Variants in MSH4 observed in about 807,000 individuals in gnomAD.
The protein encoded by MSH4 is mutS homolog 4.
Under a neutral mutation model 113.7 loss-of-function variants are expected in MSH4, and 106 were observed. The observed-to-expected ratio is 0.93, with a 90% CI of 0.80 to 1.10. MSH4 has a LOEUF of 1.10. MSH4 is among the 50% of genes least tolerant of loss of function. The pLI is 0.00. For synonymous variants in MSH4, 368 were observed against 380.2 expected (o/e 0.97, Z 0.37); for missense variants, 1,061 against 1,093.7 (o/e 0.97, Z 0.42).
At chr1:75,838,101 C>T (rs1650871309) in intron 7 of MSH4, among the ~76,000 whole-genome samples, 2 of 152,198 alleles carry the variant, frequency 1.3e-5, no homozygotes, top group African/African-American at 4.8e-5. Flanking sequence ...AATGTATTAT[C>T]TCACAGTTCT....
At chr1:75,826,561 G>A (rs755746987) in intron 7 of MSH4, among the ~76,000 whole-genome samples, 8 of 151,946 alleles carry the variant, frequency 5.3e-5, no homozygotes, top group Admixed American at 6.6e-5. Context: ...TTAGGGTGTC[G>A]ATTTGAGATC....
At chr1:75,894,325 G>A (rs1260735114) in intron 17 of MSH4, among the ~76,000 whole-genome samples, 1 of 152,140 alleles carries the variant, frequency 6.6e-6, no homozygotes, top group African/African-American at 2.4e-5. Flanking sequence ...ATAGACCTAT[G>A]GCTTTGGATA....
At chr1:75,825,038 T>C (rs900626248) in intron 7 of MSH4, among the ~76,000 whole-genome samples, 2 of 152,114 alleles carry the variant, frequency 1.3e-5, no homozygotes, top group South Asian at 4.2e-4. Flanking sequence ...ACATTGAATC[T>C]ATAAATTACT....
chr1:75,899,185 G>A (rs1652454460), intron 18 of MSH4, among the ~76,000 whole-genome samples: 1 of 152,144 alleles, frequency 6.6e-6, no homozygotes, highest in African/African-American at 2.4e-5. Flanking sequence ...TACATCTTCT[G>A]AGAAATTCCT....
rs2100563812 is a variant in MSH4 at position 75,870,407 on chromosome 1, G to A, written c.1305+2819G>A. 1.3e-5 allele frequency among the ~76,000 whole-genome samples: 2 copies of A among 152,324 alleles called. 1 individual carries two copies. Among genetic ancestry groups the A allele is most frequent in the Admixed American group, 1.3e-4 (2 of 15,296 alleles). The stretch of plus-strand genomic sequence containing the variant: ...GAAGGAATGATTGGTTTTGAAATGT[G>A]AAGACATGAGATTTGGCAGGGGCTA... On this transcript the variant is annotated intron_variant, in intron 9 of 19. Transcript: ENST00000263187.
intron 6 of MSH4, 31 bp downstream of exon 6, chr1:75,816,577 A>G: frequency 4.9e-6 from 6 of 1,219,604 alleles, no homozygotes; most frequent in Non-Finnish European, 6.7e-6. Flanking sequence ...TGTATAAAAT[A>G]TATCGGTATA....
intron 7 of MSH4, among the ~76,000 whole-genome samples, chr1:75,839,245 C>T (rs12045363): frequency 0.25 from 38,242 of 151,590 alleles, 6,213 homozygotes; most frequent in East Asian, 0.68. Context: ...GACAGAGTTT[C>T]ACTCTGTCAC....
At chr1:75,842,432 G>A (rs994723004) in intron 7 of MSH4, among the ~76,000 whole-genome samples, 3 of 152,012 alleles carry the variant, frequency 2.0e-5, no homozygotes, top group Non-Finnish European at 4.4e-5. Flanking sequence ...ACCGAGGACA[G>A]GAGCTGTTCC....
At chr1:75,804,007 C>T in intron 2 of MSH4, 94 bp downstream of exon 2, 1 of 827,050 alleles carries the variant, frequency 1.2e-6, no homozygotes. Context: ...TTGAATTTAT[C>T]TATAACTGAT....
intron 17 of MSH4, among the ~76,000 whole-genome samples, chr1:75,892,667 T>A (rs5745513): frequency 0.055 from 8,383 of 152,252 alleles, 332 homozygotes; most frequent in Non-Finnish European, 0.083. Context: ...AAGCAAAGGA[T>A]GAACTCAAGG....
Position 75,822,566 on chromosome 1 carries a change from T to A in MSH4, c.1147T>A (p.Phe383Ile), listed in dbSNP as rs781590842. The change falls in exon 7 of 20, where the codon TTT becomes ATT. Residue 383 changes from phenylalanine (F) to isoleucine (I), a missense_variant. By Grantham distance (21) the Phe-to-Ile change is conservative. Transcript: ENST00000263187. ...ACTACTTCAAGATGAGGAACTATTT[T>A]TTGGACTTCAATCAGGTAAATCAAT... Reference protein sequence around the residue: ...QELLQDEELFFGLQSVISRFL... With the variant: ...QELLQDEELFIGLQSVISRFL... The A allele has an allele frequency of 6.6e-7, 1 of 1,516,786 alleles. No individual in the cohort carries two copies. Among genetic ancestry groups the A allele is most frequent in the Non-Finnish European group, 8.8e-7 (1 of 1,137,662 alleles). 94.0% of individuals were successfully genotyped at this position (1,516,786 alleles called of 1,614,324 possible). A position where few individuals can be genotyped will look rare whatever the true frequency, so the allele number is the denominator to read the frequency against.
rs5745550 is a variant in MSH4 at position 75,912,891 on chromosome 1, C to A, written c.*4C>A. The A allele has an allele frequency of 1.3e-3, 1,900 of 1,487,228 alleles. 47 individuals are homozygous for A. In the Admixed American group the frequency reaches 0.037, roughly 29 times the overall value. 92.1% of individuals were successfully genotyped at this position (1,487,228 alleles called of 1,614,324 possible). On this transcript the variant is annotated 3_prime_UTR_variant, in exon 20 of 20. Transcript: ENST00000263187. ...TCCAGAAAAGACTGAAGAATAATCACAATTCTAATGTAATAATATATCTTA... is the reference window on the plus strand; with the variant it reads ...TCCAGAAAAGACTGAAGAATAATCAAAATTCTAATGTAATAATATATCTTA...
chr1:75,810,847 CACTT>C (rs1378393514), intron 4 of MSH4, 40 bp downstream of exon 4: 11 of 910,618 alleles, frequency 1.2e-5, no homozygotes, highest in African/African-American at 1.8e-5. Context: ...AAGATCTAAT[CACTT>C]ATTTATTTAT....
At chr1:75,838,614 T>C (rs972742773) in intron 7 of MSH4, among the ~76,000 whole-genome samples, 1 of 152,216 alleles carries the variant, frequency 6.6e-6, no homozygotes, top group African/African-American at 2.4e-5. Flanking sequence ...AACTTTTCTA[T>C]ATAGCTGTTT....
rs1039776365 is a variant in MSH4 at position 75,820,811 on chromosome 1, C to T, written c.990-1598C>T. Among the ~76,000 whole-genome samples the T allele has an allele frequency of 2.0e-5, 3 of 151,904 alleles. No homozygotes were observed. In the East Asian group the frequency reaches 5.8e-4, roughly 29 times the overall value. ...CAAAGATCAAAAGAGACAAAGAAGG[C>T]CATTACATAATGGTAAAGGGATCAA... On this transcript the variant is annotated intron_variant, in intron 6 of 19. Coordinates refer to ENST00000263187, the MANE Select transcript of MSH4 (RefSeq NM_002440.4).
chr1:75,906,180 AG>A, intron 19 of MSH4, among the ~76,000 whole-genome samples: 1 of 151,366 alleles, frequency 6.6e-6, no homozygotes, highest in East Asian at 2.0e-4. Context: ...TAATAGAGAC[AG>A]GGTTTCACCA....
At chr1:75,869,260 G>A (rs775334150) in intron 9 of MSH4, among the ~76,000 whole-genome samples, 3 of 152,150 alleles carry the variant, frequency 2.0e-5, no homozygotes. Flanking sequence ...ACTTGAGAGA[G>A]AGGGTATCCA....
At chr1:75,890,462 C>G (rs1375851885) in intron 16 of MSH4, among the ~76,000 whole-genome samples, 1 of 151,950 alleles carries the variant, frequency 6.6e-6, no homozygotes, top group East Asian at 1.9e-4. Context: ...GTTATTTACT[C>G]TGTTGTCTCA....
At position 75,881,246 on chromosome 1, in the gene MSH4, G is replaced by A. The variant is rs762617269; in HGVS notation, c.1782G>A (p.Met594Ile). 6.3e-7 allele frequency: 1 copy of A among 1,595,332 alleles called. No homozygotes were observed. Among genetic ancestry groups the A allele is most frequent in the Admixed American group, 1.7e-5 (1 of 58,570 alleles). Residue 594 changes from methionine (M) to isoleucine (I), a missense_variant and splice_region_variant, in exon 14 of 20, where the codon ATG becomes ATA. Transcript: ENST00000263187. Reference sequence around the variant, plus strand: ...CATGTCTTACCAAACGTGTTTTCAGGATAGTGTGCAAACTGCTTAGTGAGA... The same window carrying A: ...CATGTCTTACCAAACGTGTTTTCAGAATAGTGTGCAAACTGCTTAGTGAGA... ...SLREIYHMTY[M>I]IVCKLLSEIY... is the part of the protein sequence containing the mutation.
Sources: allele counts gnomAD v4.1 joint callset (sites outside exome capture counted in the v4.1 genomes callset), GRCh38; gene constraint gnomAD v4.1.1; transcripts MANE v1.5; gene names NCBI Gene and HGNC (gene_info 2026-07-23, HGNC 2026-07-21).